Variants in KCNIP1 observed in about 807,000 individuals in gnomAD.
KCNIP1 encodes the protein A-type potassium channel modulatory protein KCNIP1.
Under a neutral mutation model 33.0 loss-of-function variants are expected in KCNIP1, and 18 were observed. That is an observed-to-expected ratio of 0.55 (90% CI 0.38 to 0.81). The LOEUF (loss-of-function observed/expected upper bound fraction) is 0.81, where lower values mean the gene tolerates loss of function less well. Among genes scored for constraint, KCNIP1 ranks in the 30% least tolerant of loss-of-function variants. KCNIP1 has a pLI of 0.00. For missense variants in KCNIP1, 238 were observed against 271.6 expected, an observed-to-expected ratio of 0.88 and a Z score of 0.87; for synonymous variants, 93 against 98.3, an observed-to-expected ratio of 0.95 and a Z score of 0.32.
intron 1 of KCNIP1, among the ~76,000 whole-genome samples, chr5:170,507,323 A>G (rs1408326005): frequency 6.6e-6 from 1 of 152,240 alleles, no homozygotes; most frequent in Admixed American, 6.5e-5. Flanking sequence ...CCATCTTAAA[A>G]TAGCTGTTGT....
intron 1 of KCNIP1, among the ~76,000 whole-genome samples, chr5:170,690,815 G>T (rs919978516): frequency 6.6e-6 from 1 of 152,224 alleles, no homozygotes; most frequent in African/African-American, 2.4e-5. Context: ...GGATTTGAGG[G>T]AGGAAAACTA....
At chr5:170,485,276 C>T (rs781680721) in intron 1 of KCNIP1, among the ~76,000 whole-genome samples, 28 of 152,180 alleles carry the variant, frequency 1.8e-4, no homozygotes, top group Non-Finnish European at 4.0e-4. Context: ...CAACCCTGGC[C>T]TGGCCTGGGC....
At chr5:170,397,053 CT>C (rs761510990) in intron 1 of KCNIP1, among the ~76,000 whole-genome samples, 14 of 152,336 alleles carry the variant, frequency 9.2e-5, no homozygotes, top group Non-Finnish European at 1.8e-4. Context: ...TACAAAGAGT[CT>C]GTTTGTCATC....
intron 1 of KCNIP1, among the ~76,000 whole-genome samples, chr5:170,545,728 C>G (rs1039345515): frequency 1.3e-5 from 2 of 151,928 alleles, no homozygotes; most frequent in Admixed American, 6.5e-5. Flanking sequence ...TTTGAGAAGG[C>G]TATATGTTTT....
intron 1 of KCNIP1, among the ~76,000 whole-genome samples, chr5:170,711,190 C>A (rs751156891): frequency 3.9e-5 from 6 of 152,194 alleles, no homozygotes; most frequent in Non-Finnish European, 7.3e-5. Context: ...CAGTTACTCT[C>A]CAGTTCTCAG....
At chr5:170,359,014 A>T (rs1763428030) in intron 1 of KCNIP1, among the ~76,000 whole-genome samples, 1 of 152,202 alleles carries the variant, frequency 6.6e-6, no homozygotes, top group Admixed American at 6.5e-5. Context: ...TGATCAGAGC[A>T]GCCACCTGTC....
Position 170,720,395 on chromosome 5 carries a change from G to A in KCNIP1, c.256+5G>A. 7 of 1,610,462 alleles carry A rather than the reference G, an allele frequency of 4.3e-6. No homozygotes were observed. The highest frequency in any genetic ancestry group is 5.9e-6 in the Non-Finnish European group (7 of 1,176,648). On this transcript the variant is annotated splice_donor_5th_base_variant and intron_variant, in intron 3 of 7. Transcript: ENST00000328939. Reference sequence around the variant, plus strand: ...CTCAGTTTTTCCCTCATGGAGGTGAGTCTGACCTTGAAATCTATCTTGCCC... The same window carrying A: ...CTCAGTTTTTCCCTCATGGAGGTGAATCTGACCTTGAAATCTATCTTGCCC...
chr5:170,468,534 C>T lies in KCNIP1; in HGVS notation c.88+114570C>T, dbSNP rs201765104. 2.0e-4 allele frequency among the ~76,000 whole-genome samples: 31 copies of T among 152,132 alleles called. 1 individual carries two copies. The East Asian group carries it at 3.1e-3, about 15-fold the overall frequency. On this transcript the variant is annotated intron_variant, in intron 1 of 7. Transcript: ENST00000377360. ...AGAAACCTTTCATCAATATTTTTGG[C>T]GCCTAAGAGCTGCTCTTGAGGGCAT...
At chr5:170,584,389 C>T (rs1357807784) in intron 1 of KCNIP1, among the ~76,000 whole-genome samples, 2 of 151,976 alleles carry the variant, frequency 1.3e-5, no homozygotes, top group African/African-American at 4.8e-5. Context: ...CATGGTGTGT[C>T]GGGAGGCCAG....
intron 1 of KCNIP1, among the ~76,000 whole-genome samples, chr5:170,706,373 C>T (rs1763256571): frequency 6.6e-6 from 1 of 152,156 alleles, no homozygotes; most frequent in Non-Finnish European, 1.5e-5. Flanking sequence ...AGTATGATCA[C>T]TTCATTTCAA....
chr5:170,484,702 C>T (rs964917901), intron 1 of KCNIP1, among the ~76,000 whole-genome samples: 2 of 150,312 alleles, frequency 1.3e-5, no homozygotes, highest in East Asian at 3.9e-4. Flanking sequence ...CCCTCTTTCC[C>T]TCTCCCTCTC....
intron 1 of KCNIP1, among the ~76,000 whole-genome samples, chr5:170,402,597 A>C (rs370265595): frequency 6.6e-6 from 1 of 152,308 alleles, no homozygotes; most frequent in South Asian, 2.1e-4. Context: ...CATGTGAATC[A>C]TTGAACATCT....
intron 1 of KCNIP1, among the ~76,000 whole-genome samples, chr5:170,448,045 TTAG>T (rs1235152208): frequency 6.6e-6 from 1 of 152,136 alleles, no homozygotes; most frequent in Non-Finnish European, 1.5e-5. Context: ...CATGTTCCTC[TTAG>T]TAGCATCCTG....
At chr5:170,729,728 G>T (rs1363710) in intron 5 of KCNIP1, among the ~76,000 whole-genome samples, 53,616 of 151,914 alleles carry the variant, frequency 0.35, 10,694 homozygotes, top group Non-Finnish European at 0.46. Flanking sequence ...TAAAGTCTTT[G>T]TTGAAGGTTG....
Position 170,591,621 on chromosome 5 carries a change from G to T in KCNIP1, c.61+86988G>T, listed in dbSNP as rs927030250. 7.2e-5 allele frequency among the ~76,000 whole-genome samples: 11 copies of T among 152,186 alleles called. No homozygotes were observed. In the East Asian group the frequency reaches 1.4e-3, roughly 19 times the overall value. Reference sequence around the variant, plus strand: ...CGACTCCCCATTCCCTCTTCCCCCAGCTCCTAGCAACTACCATTCTATTTT... The same window carrying T: ...CGACTCCCCATTCCCTCTTCCCCCATCTCCTAGCAACTACCATTCTATTTT... On this transcript the variant is annotated intron_variant, in intron 1 of 7. Transcript: ENST00000328939.
At chr5:170,478,696 G>C (rs1756910934) in intron 1 of KCNIP1, among the ~76,000 whole-genome samples, 1 of 152,150 alleles carries the variant, frequency 6.6e-6, no homozygotes, top group African/African-American at 2.4e-5. Flanking sequence ...GGCATCTTGG[G>C]TTCCTTTTAA....
rs576335422 is a variant in KCNIP1 at position 170,524,819 on chromosome 5, C to T, written c.61+20186C>T. 1.1e-4 allele frequency among the ~76,000 whole-genome samples: 17 copies of T among 152,202 alleles called. No homozygotes were observed. In the South Asian group the frequency reaches 2.5e-3, roughly 22 times the overall value. ...GCCCAGTGTTCTTGGTTCTGAGGCC[C>T]GGCTGCCCTGGCATGGAGCAGACAG... is the stretch of plus-strand genomic sequence containing the variant. On this transcript the variant is annotated intron_variant, in intron 1 of 7. Transcript: ENST00000328939.
Position 170,558,952 on chromosome 5 carries a change from C to T in KCNIP1, c.61+54319C>T, listed in dbSNP as rs370298831. Among the ~76,000 whole-genome samples, 7 of 152,292 alleles carry T rather than the reference C, an allele frequency of 4.6e-5. No individual in the cohort carries two copies. The East Asian group carries it at 1.3e-3, about 29-fold the overall frequency. On this transcript the variant is annotated intron_variant, in intron 1 of 7. Transcript: ENST00000328939. ...ACCTCCCAGGGCCTCAGTTTCTTCA[C>T]CTGTGAAATAAGAGGATCAAAAAAA...
At chr5:170,720,461 C>G in intron 3 of KCNIP1, 71 bp downstream of exon 3, 1 of 1,209,132 alleles carries the variant, frequency 8.3e-7, no homozygotes, top group Non-Finnish European at 1.2e-6. Flanking sequence ...CCTCCAAGTC[C>G]TCTCTTCCTT....
Sources: gnomAD v4.1 joint callset for allele counts (sites outside exome capture counted in the v4.1 genomes callset) on GRCh38, gnomAD v4.1.1 for gene constraint, MANE v1.5 for transcripts, NCBI Gene and HGNC (gene_info 2026-07-23, HGNC 2026-07-21) for gene names.